TECPR1: variants seen among roughly 807,000 people sequenced by gnomAD.
TECPR1 encodes tectonin beta-propeller repeat containing 1.
In TECPR1, 122 loss-of-function variants were observed where a neutral mutation model predicts 162.4. The ratio of observed to expected loss-of-function variants is 0.75; its 90% confidence interval spans 0.65 to 0.87. The LOEUF (loss-of-function observed/expected upper bound fraction) is 0.87. Among genes scored for constraint, TECPR1 ranks in the 40% least tolerant of loss-of-function variants. The pLI is 0.00. For missense variants in TECPR1, 1,432 were observed against 1,618.2 expected, an observed-to-expected ratio of 0.88 and a Z score of 1.97; for synonymous variants, 642 against 670.6, an observed-to-expected ratio of 0.96 and a Z score of 0.66.
At chr7:98,248,975 A>G (rs1584363215) in intron 2 of TECPR1, among the ~76,000 whole-genome samples, 1 of 147,690 alleles carries the variant, frequency 6.8e-6, no homozygotes, top group Non-Finnish European at 1.5e-5. Context: ...TGAAACTTCC[A>G]CCTTCTGGGT....
At chr7:98,217,595 G>A (rs567809566) in intron 25 of TECPR1, 92 bp from the exon 26 acceptor site, 59 of 1,533,370 alleles carry the variant, frequency 3.8e-5, no homozygotes, top group Admixed American at 9.9e-5. Context: ...CCCAGACACC[G>A]GGTCCCAGGG....
Position 98,222,420 on chromosome 7 carries a change from G to A in TECPR1, c.3030C>T (p.Phe1010=). 6.3e-7 allele frequency: 1 copy of A among 1,597,942 alleles called. No individual in the cohort carries two copies. The highest frequency in any genetic ancestry group is 8.5e-7 in the Non-Finnish European group (1 of 1,173,306). ...GCGAGGGGTACACGGATCCCCGGTA[G>A]AAGGCGGAGCCGTCCCTTGCCACGG... ...VWAVARDGSA[F]YRGSVYPSQP... The change falls in exon 22 of 26, where the codon TTC becomes TTT. Residue 1010 remains phenylalanine, a synonymous_variant. Transcript: ENST00000447648.
At position 98,228,027 on chromosome 7, in the gene TECPR1, C is replaced by T. The variant is rs772872146; in HGVS notation, c.2500G>A (p.Gly834Ser). The change falls in exon 17 of 26, where the codon GGC becomes AGC. Residue 834 changes from glycine to serine, a missense_variant. Physicochemically the swap from Gly to Ser is moderately conservative, Grantham distance 56 (BLOSUM62 0). Coordinates refer to ENST00000447648, the MANE Select transcript of TECPR1 (RefSeq NM_015395.3). ...TGTGCCACTTACCTGCTGGTGTAGCCTGTGACGGGGTTCCAGCGCTGGTTC... is the reference window on the plus strand; with the variant it reads ...TGTGCCACTTACCTGCTGGTGTAGCTTGTGACGGGGTTCCAGCGCTGGTTC... ...YENQRWNPVT[G>S]YTSRGLPTDR... The T allele has an allele frequency of 2.5e-6, 4 of 1,612,462 alleles. No individual in the cohort carries two copies. The highest frequency in any genetic ancestry group is 3.4e-6 in the Non-Finnish European group (4 of 1,179,396).
intron 17 of TECPR1, among the ~76,000 whole-genome samples, chr7:98,227,770 T>C (rs1274720388): frequency 2.9e-5 from 4 of 137,086 alleles, no homozygotes; most frequent in African/African-American, 5.5e-5. Context: ...TGCAGTAAGC[T>C]GAGATCATGC....
rs1200599003 is a variant in TECPR1 at position 98,246,085 on chromosome 7, G to A, written c.62C>T (p.Ala21Val). The part of the protein sequence containing the change: ...LFGRVYTLST[A>V]GQYWEMCKDS... ...CTTGCACATTTCCCAGTACTGGCCTGCTGTGGACAGCGTGTACACTCTCCC... is the reference window on the plus strand; with the variant it reads ...CTTGCACATTTCCCAGTACTGGCCTACTGTGGACAGCGTGTACACTCTCCC... Residue 21 changes from alanine (A) to valine (V), a missense_variant, in exon 3 of 26, where the codon GCA becomes GTA. Physicochemically the swap from Ala to Val is moderately conservative, Grantham distance 64. Transcript: ENST00000447648. 1.3e-6 allele frequency: 2 copies of A among 1,561,866 alleles called. No individual in the cohort carries two copies. Among genetic ancestry groups the A allele is most frequent in the South Asian group, 1.2e-5 (1 of 84,844 alleles).
At chr7:98,239,880 G>A (rs10953248) in intron 8 of TECPR1, among the ~76,000 whole-genome samples, 55,152 of 151,966 alleles carry the variant, frequency 0.36, 11,948 homozygotes, top group Middle Eastern at 0.56. Flanking sequence ...GGAGGCTGAG[G>A]CGGGCGGATC....
At chr7:98,224,119 G>A (rs1456119950) in intron 19 of TECPR1, among the ~76,000 whole-genome samples, 1 of 152,202 alleles carries the variant, frequency 6.6e-6, no homozygotes, top group Non-Finnish European at 1.5e-5. Context: ...CCTCGGTCAG[G>A]ATGAGGCCCG....
chr7:98,249,347 G>A (rs1436955578), intron 2 of TECPR1, among the ~76,000 whole-genome samples: 2 of 152,176 alleles, frequency 1.3e-5, no homozygotes, highest in Non-Finnish European at 2.9e-5. Flanking sequence ...CCAGCAGAAT[G>A]GAGGAAGCCC....
rs768815998 is a variant in TECPR1 at position 98,246,021 on chromosome 7, C to A, written c.126G>T (p.Thr42=). The change falls in exon 3 of 26, where the codon ACG becomes ACT. Residue 42 remains threonine (T), a synonymous_variant. Transcript: ENST00000447648. ...CACAGGCAATGCCCCAGCAGCACTG[C>A]GTGGTGGCGCTGACGCGCTTGAACT... ...QLEFKRVSAT[T]QCCWGIACDN... is the part of the protein sequence containing the mutation. The A allele has an allele frequency of 2.5e-6, 4 of 1,598,528 alleles. No homozygotes were observed. In the Admixed American group the frequency reaches 5.2e-5, roughly 21 times the overall value.
chr7:98,227,540 A>G (rs371944285), intron 17 of TECPR1, among the ~76,000 whole-genome samples: 1 of 151,298 alleles, frequency 6.6e-6, no homozygotes, highest in East Asian at 2.0e-4. Flanking sequence ...GAGACTTCTG[A>G]CCGGGCGTGG....
At chr7:98,228,500 T>C (rs1798336462) in intron 16 of TECPR1, 2 of 253,832 alleles carry the variant, frequency 7.9e-6, no homozygotes. Flanking sequence ...GAGCCCCGGC[T>C]TCCTCACTTG....
At chr7:98,226,404 A>G in intron 17 of TECPR1, 1 of 981,394 alleles carries the variant, frequency 1.0e-6, no homozygotes, top group Non-Finnish European at 1.2e-6. Context: ...TGAGACGTCC[A>G]AGGCTGAGTA....
intron 10 of TECPR1, among the ~76,000 whole-genome samples, chr7:98,235,791 C>T (rs1011021656): frequency 2.1e-5 from 3 of 141,354 alleles, no homozygotes; most frequent in Admixed American, 7.5e-5. Context: ...GATCACACCA[C>T]TGCACTCCAG....
At chr7:98,229,563 G>A (rs1197909918) in intron 15 of TECPR1, among the ~76,000 whole-genome samples, 3 of 152,202 alleles carry the variant, frequency 2.0e-5, no homozygotes, top group African/African-American at 7.2e-5. Context: ...ATGTCACAGA[G>A]CAGAGCCGGA....
intron 9 of TECPR1, among the ~76,000 whole-genome samples, chr7:98,238,246 G>A (rs1463955556): frequency 6.6e-6 from 1 of 152,210 alleles, no homozygotes; most frequent in African/African-American, 2.4e-5. Context: ...CCTTGGCCCT[G>A]GCAGGCTCGC....
At chr7:98,244,542 G>T in intron 5 of TECPR1, 29 bp downstream of exon 5, 1 of 1,587,914 alleles carries the variant, frequency 6.3e-7, no homozygotes, top group Non-Finnish European at 8.6e-7. Flanking sequence ...GCCCTATCCT[G>T]CCCCCAACCC....
At chr7:98,224,719 A>C in intron 19 of TECPR1, 82 bp downstream of exon 19, 1 of 1,328,078 alleles carries the variant, frequency 7.5e-7, no homozygotes, top group Non-Finnish European at 1.0e-6. Context: ...AGCCTGGAAG[A>C]GCAGTGAGGC....
At position 98,229,219 on chromosome 7, in the gene TECPR1, C is replaced by G; in HGVS notation, c.2283-53G>C. The G allele has an allele frequency of 3.3e-6, 5 of 1,528,538 alleles. No individual in the cohort carries two copies. The South Asian group carries it at 6.1e-5, about 19-fold the overall frequency. The allele number at this position is 1,528,538 out of a possible 1,614,324, so 94.7% of individuals were successfully genotyped here. On this transcript the variant is annotated intron_variant, in intron 15 of 25. Transcript: ENST00000447648. ...AACCCCTCAGACCCCACCTTCCAAC[C>G]CTGCCTGGCTGCCCTTTTGTTCCGT...
chr7:98,240,231 T>C (rs2116607594), intron 8 of TECPR1, among the ~76,000 whole-genome samples: 1 of 152,268 alleles, frequency 6.6e-6, no homozygotes, highest in South Asian at 2.1e-4. Flanking sequence ...GCTTGGTTAA[T>C]CAAGGGCTTC....
Sources: gnomAD v4.1 joint callset for allele counts (sites outside exome capture counted in the v4.1 genomes callset) on GRCh38, gnomAD v4.1.1 for gene constraint, MANE v1.5 for transcripts, NCBI Gene and HGNC (gene_info 2026-07-23, HGNC 2026-07-21) for gene names.